The following CDIN1 variants were observed in gnomAD, a reference collection of about 807,000 sequenced individuals.
CDIN1 encodes CDAN1 interacting nuclease 1, also known as CDAN1-interacting nuclease 1.
CDIN1 carries 33 observed loss-of-function variants against 45.3 expected under a neutral mutation model. The observed-to-expected ratio is 0.73, with a 90% CI of 0.55 to 0.97. The LOEUF is 0.97. Ranked by LOEUF, CDIN1 falls within the 50% of genes least tolerant of loss-of-function variation. The probability of loss-of-function intolerance (pLI) is 0.00; values close to 1 mark genes in which losing one functional copy is unlikely to be tolerated. For synonymous variants in CDIN1, 118 were observed against 124.4 expected (o/e 0.95, Z 0.34); for missense variants, 303 against 339.4 (o/e 0.89, Z 0.84).
chr15:36,781,814 C>A (rs1424975846), intron 10 of CDIN1, among the ~76,000 whole-genome samples: 1 of 152,204 alleles, frequency 6.6e-6, no homozygotes, highest in African/African-American at 2.4e-5. Context: ...CTTCTTCATT[C>A]ATTCACAAGT....
At chr15:36,649,921 T>C (rs1334032883) in intron 3 of CDIN1, among the ~76,000 whole-genome samples, 1 of 152,190 alleles carries the variant, frequency 6.6e-6, no homozygotes, top group Non-Finnish European at 1.5e-5. Flanking sequence ...GTTTTTAGCA[T>C]TGTAAATGGG....
At chr15:36,803,968 T>C (rs1288419408) in intron 10 of CDIN1, among the ~76,000 whole-genome samples, 2 of 152,198 alleles carry the variant, frequency 1.3e-5, no homozygotes, top group East Asian at 3.9e-4. Flanking sequence ...TCTATCACCC[T>C]GTTTAGTAAA....
At chr15:36,764,219 T>G (rs1367881733) in intron 10 of CDIN1, among the ~76,000 whole-genome samples, 3 of 120,816 alleles carry the variant, frequency 2.5e-5, no homozygotes, top group African/African-American at 8.5e-5. Context: ...TTTTGGTTTT[T>G]TTTTTTTTTT....
intron 1 of CDIN1, among the ~76,000 whole-genome samples, chr15:36,581,785 G>A (rs1017176913): frequency 1.3e-5 from 2 of 152,204 alleles, no homozygotes; most frequent in Non-Finnish European, 1.5e-5. Context: ...TACTCCTGAG[G>A]CTGAGGTGGG....
At chr15:36,698,479 C>T (rs949589332) in intron 8 of CDIN1, among the ~76,000 whole-genome samples, 1 of 152,098 alleles carries the variant, frequency 6.6e-6, no homozygotes, top group Non-Finnish European at 1.5e-5. Context: ...TTGAATTGTT[C>T]AGCCTATGGA....
chr15:36,632,245 G>T (rs1027368443), intron 1 of CDIN1, among the ~76,000 whole-genome samples: 2 of 152,138 alleles, frequency 1.3e-5, no homozygotes, highest in African/African-American at 4.8e-5. Flanking sequence ...CATCTTTGTA[G>T]CCTCAAAACT....
chr15:36,780,071 C>T (rs931400187), intron 10 of CDIN1, among the ~76,000 whole-genome samples: 9 of 125,670 alleles, frequency 7.2e-5, no homozygotes, highest in African/African-American at 4.8e-4. Flanking sequence ...GAGTGAGTCT[C>T]AATTTCCTGT....
chr15:36,666,399 T>A, intron 5 of CDIN1, among the ~76,000 whole-genome samples: 1 of 152,202 alleles, frequency 6.6e-6, no homozygotes, highest in East Asian at 1.9e-4. Flanking sequence ...AGTTGTTCCC[T>A]TCTGCAGTCT....
At chr15:36,614,589 T>C (rs534842121) in intron 1 of CDIN1, among the ~76,000 whole-genome samples, 6 of 152,136 alleles carry the variant, frequency 3.9e-5, no homozygotes, top group Non-Finnish European at 8.8e-5. Flanking sequence ...TTTTGGAAGG[T>C]GACTTTTCAC....
chr15:36,747,719 C>T (rs1459014447), intron 10 of CDIN1, among the ~76,000 whole-genome samples: 1 of 152,118 alleles, frequency 6.6e-6, no homozygotes, highest in Non-Finnish European at 1.5e-5. Flanking sequence ...GTTTGAATTT[C>T]ACAAGTACTT....
chr15:36,684,337 T>C (rs1187770124), intron 5 of CDIN1, among the ~76,000 whole-genome samples: 2 of 152,174 alleles, frequency 1.3e-5, no homozygotes, highest in African/African-American at 4.8e-5. Context: ...GATAATCATG[T>C]GGTTTTTGTC....
chr15:36,645,180 A>T, intron 2 of CDIN1, 43 bp from the exon 3 acceptor site: 1 of 1,450,138 alleles, frequency 6.9e-7, no homozygotes, highest in Non-Finnish European at 9.5e-7. Context: ...CTCATCTGTG[A>T]CATATCAAAG....
At position 36,808,872 on chromosome 15, in the gene CDIN1, C is replaced by G. The variant is rs756148906; in HGVS notation, c.*419C>G. 2.8e-5 allele frequency: 13 copies of G among 456,570 alleles called. No individual in the cohort carries two copies. Among genetic ancestry groups the G allele is most frequent in the South Asian group, 2.0e-4 (13 of 64,534 alleles). The allele number at this position is 456,570 out of a possible 1,614,324, so 28.3% of individuals were successfully genotyped here. A position where few individuals can be genotyped will look rare whatever the true frequency, so the allele number is the denominator to read the frequency against. On this transcript the variant is annotated 3_prime_UTR_variant, in exon 11 of 11. Coordinates refer to ENST00000566621, the MANE Select transcript of CDIN1 (RefSeq NM_001321759.2). ...CCCTAAGCCTCCGTTCACTGTCTCT[C>G]CCTCTCCCTTTCTCTTCATGTGCAC...
At chr15:36,654,249 GA>G (rs35076102) in intron 4 of CDIN1, 91 bp downstream of exon 4, 161 of 939,334 alleles carry the variant, frequency 1.7e-4, no homozygotes, top group Middle Eastern at 6.3e-4. Context: ...ACTACCTTTG[GA>G]AAAAAAAAGG....
chr15:36,780,767 A>C (rs1358755809), intron 10 of CDIN1, among the ~76,000 whole-genome samples: 1 of 152,126 alleles, frequency 6.6e-6, no homozygotes, highest in Non-Finnish European at 1.5e-5. Flanking sequence ...TTTCTATTTT[A>C]CTTATAAGAA....
At chr15:36,739,772 C>T (rs2044165950) in intron 10 of CDIN1, among the ~76,000 whole-genome samples, 1 of 152,136 alleles carries the variant, frequency 6.6e-6, no homozygotes, top group African/African-American at 2.4e-5. Context: ...TCTCCTATTA[C>T]CATTTTGATT....
At chr15:36,680,834 G>T (rs2041826474) in intron 5 of CDIN1, among the ~76,000 whole-genome samples, 1 of 152,024 alleles carries the variant, frequency 6.6e-6, no homozygotes, top group South Asian at 2.1e-4. Context: ...TGTGGGGTTG[G>T]GTCCAAATTT....
chr15:36,617,111 TA>T, intron 1 of CDIN1: 1 of 905,896 alleles, frequency 1.1e-6, no homozygotes, highest in Non-Finnish European at 1.9e-6. Context: ...GTGGAGCAGG[TA>T]ACATCTAAAG....
At chr15:36,638,266 A>T (rs1156587379) in intron 1 of CDIN1, among the ~76,000 whole-genome samples, 1 of 152,240 alleles carries the variant, frequency 6.6e-6, no homozygotes, top group Non-Finnish European at 1.5e-5. Flanking sequence ...GACATAGAGC[A>T]AAAACACAGG....
Sources: allele counts gnomAD v4.1 joint callset (sites outside exome capture counted in the v4.1 genomes callset), GRCh38; gene constraint gnomAD v4.1.1; transcripts MANE v1.5; gene names NCBI Gene and HGNC (gene_info 2026-07-23, HGNC 2026-07-21).